Variants in C2orf49 observed in about 807,000 individuals in gnomAD.
The protein encoded by C2orf49 is tRNA-splicing ligase complex subunit ASW.
Under a neutral mutation model 20.6 loss-of-function variants are expected in C2orf49, and 11 were observed. The observed-to-expected ratio is 0.53, with a 90% confidence interval of 0.34 to 0.88. C2orf49 has a LOEUF of 0.88. Ranked by LOEUF, C2orf49 falls within the 40% of genes least tolerant of loss-of-function variation. The pLI is 0.02. For synonymous variants in C2orf49, 134 were observed against 108.5 expected, an observed-to-expected ratio of 1.24 and a Z score of -1.46; for missense variants, 289 against 274.2, an observed-to-expected ratio of 1.05 and a Z score of -0.38.
At chr2:105,363,049 T>C in the C2orf49 span, 234,747 of 491,516 alleles carry the variant, frequency 0.48, 59,260 homozygotes, top group Non-Finnish European at 0.53. Flanking sequence ...GAAACTAAAC[T>C]GGAGCACTGG....
At chr2:105,382,477 C>T in the C2orf49 span, among the ~76,000 whole-genome samples, 2 of 152,326 alleles carry the variant, frequency 1.3e-5, no homozygotes, top group East Asian at 1.9e-4. Flanking sequence ...TGGCAAGATC[C>T]TCATCCTCTC....
At chr2:105,376,063 C>A in the C2orf49 span, 1 of 152,216 alleles carries the variant, frequency 6.6e-6, no homozygotes, top group African/African-American at 2.4e-5. Context: ...TCTTTCCATG[C>A]ACACGCCCCG....
the C2orf49 span, among the ~76,000 whole-genome samples, chr2:105,363,742 G>A: frequency 6.6e-6 from 1 of 152,196 alleles, no homozygotes; most frequent in Non-Finnish European, 1.5e-5. Flanking sequence ...CTAAGGCATA[G>A]GGTGCCTCAG....
chr2:105,355,012 A>G, the C2orf49 span, among the ~76,000 whole-genome samples: 3 of 152,214 alleles, frequency 2.0e-5, no homozygotes, highest in African/African-American at 7.2e-5. Context: ...GAAGCAGGCA[A>G]TCTTGTTTGA....
At chr2:105,377,774 T>A in the C2orf49 span, 8 of 276,184 alleles carry the variant, frequency 2.9e-5, no homozygotes, top group Non-Finnish European at 7.2e-6. Context: ...ATGTTTTCCA[T>A]GACCCAAGAG....
the C2orf49 span, chr2:105,361,336 A>C: frequency 6.2e-7 from 1 of 1,614,108 alleles, no homozygotes; most frequent in Non-Finnish European, 8.5e-7. Flanking sequence ...TCTGTGAGGA[A>C]GCCACGCCCC....
At chr2:105,371,546 A>ATCTCTCTCTCTCTCTCTCTC in the C2orf49 span, among the ~76,000 whole-genome samples, 3 of 140,970 alleles carry the variant, frequency 2.1e-5, no homozygotes, top group South Asian at 2.4e-4. Flanking sequence ...ATCCCTTGAA[A>ATCTCTCTCTCTCTCTCTCTC]TCTCTCTCTC....
the C2orf49 span, among the ~76,000 whole-genome samples, chr2:105,372,493 G>A: frequency 2.0e-5 from 3 of 152,078 alleles, no homozygotes; most frequent in Admixed American, 2.0e-4. Context: ...GCAAAGTGCT[G>A]GGATTACAGG....
chr2:105,345,087 A>G (rs1212288755), intron 3 of C2orf49, among the ~76,000 whole-genome samples: 2 of 152,204 alleles, frequency 1.3e-5, no homozygotes, highest in African/African-American at 2.4e-5. Context: ...TGATAAGACC[A>G]GGCCTGGGGC....
At chr2:105,342,787 C>G in intron 2 of C2orf49, 61 bp from the exon 3 acceptor site, 1 of 1,510,772 alleles carries the variant, frequency 6.6e-7, no homozygotes, top group Non-Finnish European at 8.9e-7. Context: ...AACTTGAATC[C>G]CAGTGAACTG....
chr2:105,376,011 A>C, the C2orf49 span: 3 of 152,220 alleles, frequency 2.0e-5, no homozygotes, highest in African/African-American at 7.2e-5. Context: ...CCCACAATCC[A>C]CATGGACATC....
Position 105,343,042 on chromosome 2 carries a change from T to C in C2orf49, c.461T>C (p.Leu154Ser), listed in dbSNP as rs758372425. 2 of 1,614,132 alleles carry C rather than the reference T, an allele frequency of 1.2e-6. No homozygotes were observed. The highest frequency in any genetic ancestry group is 1.7e-6 in the Non-Finnish European group (2 of 1,180,066). ...TCTTCGAGTGTTTCACCCCTAATTT[T>C]GTCTTCCAATTTGCCTGTGAACAAT... is the stretch of plus-strand genomic sequence containing the variant. ...NSSSSVSPLI[L>S]SSNLPVNNKT... The change falls in exon 3 of 4, where the codon TTG becomes TCG. Residue 154 changes from leucine to serine, a missense_variant. Leu to Ser is a moderately radical substitution (Grantham distance 145). Transcript: ENST00000258457.
At chr2:105,378,291 CAT>C in the C2orf49 span, 34 of 430,326 alleles carry the variant, frequency 7.9e-5, no homozygotes, top group East Asian at 2.8e-4. Flanking sequence ...ATATTATCCA[CAT>C]GTTACTGGAC....
the C2orf49 span, chr2:105,374,333 G>A: frequency 7.6e-5 from 11 of 145,510 alleles, no homozygotes; most frequent in South Asian, 1.8e-3. Flanking sequence ...ATCTGGGGAC[G>A]GGGGGCATGT....
chr2:105,339,656 T>TGTCC lies in C2orf49; in HGVS notation c.173_174insGTCC (p.Ile58MetfsTer13). On this transcript the variant is annotated frameshift_variant, in exon 2 of 4. Coordinates refer to ENST00000258457, the MANE Select transcript of C2orf49 (RefSeq NM_024093.3). LOFTEE classifies it high-confidence loss of function. ...ACTGACCTTTATGTCCAACATGCAA[T>TGTCC]ACCATTGCCTCAGAGGGATTTGCCG... 1 of 1,609,926 alleles carries TGTCC rather than the reference T, an allele frequency of 6.2e-7. No individual in the cohort carries two copies. The highest frequency in any genetic ancestry group is 8.5e-7 in the Non-Finnish European group (1 of 1,179,230).
the C2orf49 span, among the ~76,000 whole-genome samples, chr2:105,362,511 A>T: frequency 2.0e-5 from 3 of 152,290 alleles, no homozygotes; most frequent in East Asian, 1.9e-4. Flanking sequence ...GCCACCGGGT[A>T]CTCCAAGTGT....
At chr2:105,373,887 A>G in the C2orf49 span, among the ~76,000 whole-genome samples, 1 of 152,236 alleles carries the variant, frequency 6.6e-6, no homozygotes, top group South Asian at 2.1e-4. Flanking sequence ...GGACCACCTA[A>G]CTGCTGAAAT....
At chr2:105,339,856 A>G in intron 2 of C2orf49, 107 bp downstream of exon 2, 11 of 977,284 alleles carry the variant, frequency 1.1e-5, no homozygotes, top group Non-Finnish European at 1.6e-5. Flanking sequence ...TATTTACTCA[A>G]TGACTATCTA....
At chr2:105,356,828 G>A in the C2orf49 span, among the ~76,000 whole-genome samples, 1 of 152,188 alleles carries the variant, frequency 6.6e-6, no homozygotes, top group African/African-American at 2.4e-5. Flanking sequence ...TGAATGTAAT[G>A]TGTCTGGGTA....
Sources: allele counts gnomAD v4.1 joint callset (sites outside exome capture counted in the v4.1 genomes callset), GRCh38; gene constraint gnomAD v4.1.1; transcripts MANE v1.5; gene names NCBI Gene and HGNC (gene_info 2026-07-23, HGNC 2026-07-21).